Variants in TBC1D22B observed in about 807,000 individuals in gnomAD.
The protein encoded by TBC1D22B is TBC1 domain family member 22B, also known as chromosome 6 open reading frame 197.
In TBC1D22B, 32 loss-of-function variants were observed where a neutral mutation model predicts 69.1. The ratio of observed to expected loss-of-function variants is 0.46; its 90% confidence interval spans 0.35 to 0.62. The LOEUF (loss-of-function observed/expected upper bound fraction) is 0.62, where lower values mean the gene tolerates loss of function less well. TBC1D22B is among the 20% of genes least tolerant of loss of function. TBC1D22B has a pLI of 0.00. For synonymous variants in TBC1D22B, 206 were observed against 229.8 expected, an observed-to-expected ratio of 0.90 and a Z score of 0.94; for missense variants, 462 against 630.9, an observed-to-expected ratio of 0.73 and a Z score of 2.87.
intron 2 of TBC1D22B, among the ~76,000 whole-genome samples, chr6:37,276,369 C>T (rs1766673042): frequency 6.6e-6 from 1 of 152,120 alleles, no homozygotes; most frequent in South Asian, 2.1e-4. Context: ...AGCCTCTTTC[C>T]TCAGGACAGA....
intron 8 of TBC1D22B, among the ~76,000 whole-genome samples, chr6:37,309,913 A>G (rs1373053676): frequency 6.7e-6 from 1 of 150,374 alleles, no homozygotes; most frequent in African/African-American, 2.4e-5. Context: ...TTACAGCCCA[A>G]TATCATTTAA....
intron 12 of TBC1D22B, among the ~76,000 whole-genome samples, chr6:37,329,271 T>G (rs1768516750): frequency 6.6e-6 from 1 of 152,230 alleles, no homozygotes; most frequent in Non-Finnish European, 1.5e-5. Flanking sequence ...ACTGCCTTTT[T>G]TATCCTTTCC....
chr6:37,284,314 T>C, intron 5 of TBC1D22B, 22 bp from the exon 6 acceptor site: 1 of 1,614,142 alleles, frequency 6.2e-7, no homozygotes, highest in Non-Finnish European at 8.5e-7. Context: ...TTTCCCCATC[T>C]GACCAGCAGT....
At chr6:37,306,084 G>A (rs1020961009) in intron 8 of TBC1D22B, among the ~76,000 whole-genome samples, 5 of 152,218 alleles carry the variant, frequency 3.3e-5, no homozygotes, top group Non-Finnish European at 7.3e-5. Context: ...TGCTTTCAGT[G>A]ACACTTGAAG....
intron 2 of TBC1D22B, among the ~76,000 whole-genome samples, chr6:37,270,736 AGTT>A (rs1766459875): frequency 6.6e-6 from 1 of 152,116 alleles, no homozygotes; most frequent in Non-Finnish European, 1.5e-5. Flanking sequence ...TTTCTGGCAA[AGTT>A]GTTGTTTGTA....
rs11311446 is a variant in TBC1D22B, at chr6:37,311,183, A to AT, written c.983-1722dup. ...TAACTGCAGCTGGCCTTCAAGTTGGATTTTTTTTTTTTTAGGTCATTCCTA... is the reference window on the plus strand; with the variant it reads ...TAACTGCAGCTGGCCTTCAAGTTGGATTTTTTTTTTTTTTAGGTCATTCCTA... On this transcript the variant is annotated intron_variant, in intron 8 of 12. Coordinates refer to ENST00000373491, the MANE Select transcript of TBC1D22B (RefSeq NM_017772.4). Among the ~76,000 whole-genome samples, 195 of 147,300 alleles carry AT rather than the reference A, an allele frequency of 1.3e-3. 2 individuals carry two copies. The highest frequency in any genetic ancestry group is 9.0e-3 in the South Asian group (42 of 4,674).
chr6:37,289,140 T>C (rs1406300768), intron 7 of TBC1D22B, among the ~76,000 whole-genome samples: 3 of 152,192 alleles, frequency 2.0e-5, no homozygotes, highest in East Asian at 1.9e-4. Context: ...CAAGCAATTC[T>C]TTCTGCTTCT....
At chr6:37,267,333 C>T (rs421712) in intron 1 of TBC1D22B, among the ~76,000 whole-genome samples, 128,005 of 141,242 alleles carry the variant, frequency 0.91, 58,050 homozygotes, top group African/African-American at 0.95. Flanking sequence ...TACACACACA[C>T]ATATATAATA....
chr6:37,325,676 T>A (rs144805806), intron 12 of TBC1D22B, among the ~76,000 whole-genome samples: 1 of 151,024 alleles, frequency 6.6e-6, no homozygotes. Context: ...CAGCCTCCCA[T>A]GTAGCTGGGA....
Position 37,282,178 on chromosome 6 carries a change from A to G in TBC1D22B, c.422-7A>G, listed in dbSNP as rs139391745. On this transcript the variant is annotated splice_region_variant and splice_polypyrimidine_tract_variant and intron_variant, in intron 3 of 12. Coordinates refer to ENST00000373491, the MANE Select transcript of TBC1D22B (RefSeq NM_017772.4). ...GCCCGTTCTCTTTCTTTTTCAAATG[A>G]TCTCAGGTGATACATGCCTGAGGAA... 6.2e-4 allele frequency: 997 copies of G among 1,613,762 alleles called. 2 individuals carry two copies. Among genetic ancestry groups the G allele is most frequent in the Non-Finnish European group, 8.2e-4 (962 of 1,179,792 alleles).
At chr6:37,277,324 A>G (rs1426506634) in intron 2 of TBC1D22B, among the ~76,000 whole-genome samples, 1 of 152,224 alleles carries the variant, frequency 6.6e-6, no homozygotes, top group Non-Finnish European at 1.5e-5. Context: ...TTTGTTCTCG[A>G]CAGCGAATCC....
intron 8 of TBC1D22B, among the ~76,000 whole-genome samples, chr6:37,296,302 GTTGA>G (rs141381534): frequency 0.032 from 4,850 of 152,156 alleles, 239 homozygotes; most frequent in African/African-American, 0.11. Context: ...TTATTTATTT[GTTGA>G]TTGATTGATT....
chr6:37,273,030 G>A (rs914662902), intron 2 of TBC1D22B, among the ~76,000 whole-genome samples: 2 of 152,106 alleles, frequency 1.3e-5, no homozygotes, highest in African/African-American at 4.8e-5. Context: ...TCTCCTGGGG[G>A]AGGGTTCTTG....
chr6:37,317,273 G>A (rs1768111031), intron 12 of TBC1D22B, 67 bp downstream of exon 12: 1 of 1,470,382 alleles, frequency 6.8e-7, no homozygotes, highest in Admixed American at 2.0e-5. Context: ...CCCTCAGTGG[G>A]CAGTGCAGAC....
chr6:37,298,783 G>A, intron 8 of TBC1D22B, among the ~76,000 whole-genome samples: 1 of 152,108 alleles, frequency 6.6e-6, no homozygotes, highest in South Asian at 2.1e-4. Flanking sequence ...CTGACCTCGT[G>A]ATCCGCCCAC....
intron 1 of TBC1D22B, among the ~76,000 whole-genome samples, chr6:37,263,080 G>T (rs1003218851): frequency 2.0e-5 from 3 of 152,152 alleles, no homozygotes; most frequent in African/African-American, 4.8e-5. Flanking sequence ...TTAAGTGGAG[G>T]CCTAGGTTTT....
intron 8 of TBC1D22B, among the ~76,000 whole-genome samples, chr6:37,297,888 CT>C (rs1244074150): frequency 6.6e-6 from 1 of 152,142 alleles, no homozygotes; most frequent in Admixed American, 6.6e-5. Flanking sequence ...AGTTCATGTC[CT>C]TTGCAGGGAC....
intron 2 of TBC1D22B, among the ~76,000 whole-genome samples, chr6:37,274,843 G>T (rs1766611196): frequency 6.6e-6 from 1 of 152,134 alleles, no homozygotes; most frequent in Admixed American, 6.5e-5. Flanking sequence ...CTGAGGTTAG[G>T]AGTTCAAGAC....
chr6:37,261,148 G>C (rs1454084382), intron 1 of TBC1D22B, among the ~76,000 whole-genome samples: 1 of 152,090 alleles, frequency 6.6e-6, no homozygotes, highest in African/African-American at 2.4e-5. Flanking sequence ...CTCTACCATT[G>C]CAGGCTTTGG....
Sources: allele counts gnomAD v4.1 joint callset (sites outside exome capture counted in the v4.1 genomes callset), GRCh38; gene constraint gnomAD v4.1.1; transcripts MANE v1.5; gene names NCBI Gene and HGNC (gene_info 2026-07-23, HGNC 2026-07-21).